KLHL4: variants seen among roughly 807,000 people sequenced by gnomAD.
The protein encoded by KLHL4 is kelch like family member 4, also known as kelch-like protein 4.
Under a neutral mutation model 45.8 loss-of-function variants are expected in KLHL4, and 17 were observed. That is an observed-to-expected ratio of 0.37 (90% CI 0.25 to 0.56). The LOEUF (loss-of-function observed/expected upper bound fraction) is 0.56, where lower values mean the gene tolerates loss of function less well. Among genes scored for constraint, KLHL4 ranks in the 20% least tolerant of loss-of-function variants. The pLI is 0.79. For missense variants in KLHL4, 544 were observed against 544.9 expected, an observed-to-expected ratio of 1.00 and a Z score of 0.02; for synonymous variants, 224 against 189.9, an observed-to-expected ratio of 1.18 and a Z score of -1.47.
In KLHL4 at chrX:87,669,187, A is replaced by T; in HGVS notation, c.*2653A>T. 9.2e-7 allele frequency: 1 copy of T among 1,083,327 alleles called. No homozygotes were observed. Among genetic ancestry groups the T allele is most frequent in the Non-Finnish European group, 1.2e-6 (1 of 829,262 alleles). The allele number at this position is 1,083,327 out of a possible 1,213,427, so 89.3% of individuals were successfully genotyped here. A position where few individuals can be genotyped will look rare whatever the true frequency, so the allele number is the denominator to read the frequency against. ...GTGTAAGGGCTCACACATTTACTGT[A>T]CTCAGATCTGAAAGACAATGTTGCT... On this transcript the variant is annotated 3_prime_UTR_variant, in exon 11 of 11. Transcript: ENST00000373119.
At chrX:87,533,757 A>T (rs919535714) in intron 1 of KLHL4, among the ~76,000 whole-genome samples, 1 of 111,260 alleles carries the variant, frequency 9.0e-6, no homozygotes, top group Admixed American at 9.7e-5. Context: ...CATAGCTTAG[A>T]TCTTAAAACC....
chrX:87,559,922 T>C (rs1029356933), intron 1 of KLHL4, among the ~76,000 whole-genome samples: 1 of 111,644 alleles, frequency 9.0e-6, no homozygotes, highest in Non-Finnish European at 1.9e-5. Context: ...ATTCTGTAAA[T>C]TATAAAAAAC....
At chrX:87,619,211 A>G (rs1922665553) in intron 4 of KLHL4, among the ~76,000 whole-genome samples, 1 of 112,170 alleles carries the variant, frequency 8.9e-6, no homozygotes. Context: ...AACAATAGAA[A>G]GGCACACATT....
chrX:87,651,438 C>A (rs1475648222), intron 9 of KLHL4, among the ~76,000 whole-genome samples: 1 of 112,410 alleles, frequency 8.9e-6, no homozygotes, highest in African/African-American at 3.2e-5. Flanking sequence ...CAAGGCAAGT[C>A]CCTTCTGCCT....
At chrX:87,540,280 T>G (rs1434181963) in intron 1 of KLHL4, among the ~76,000 whole-genome samples, 2 of 111,360 alleles carry the variant, frequency 1.8e-5, no homozygotes, top group Non-Finnish European at 3.8e-5. Flanking sequence ...AATATGTTTT[T>G]AATAATTACA....
rs1302949728 is a variant in KLHL4, at chrX:87,590,025, C to T, written c.423-23852C>T. Among the ~76,000 whole-genome samples, 23 of 92,720 alleles carry T rather than the reference C, an allele frequency of 2.5e-4. 1 individual carries two copies. In the East Asian group the frequency reaches 6.4e-3, roughly 26 times the overall value. 80.5% of individuals were successfully genotyped at this position (92,720 alleles called of 115,157 possible). On this transcript the variant is annotated intron_variant, in intron 1 of 10. Transcript: ENST00000373119. ...TGCACTCCAGCCTGAGCAACAAGAGCGAAACTCCTTCTAAAAAAAAAAAAA... is the reference window on the plus strand; with the variant it reads ...TGCACTCCAGCCTGAGCAACAAGAGTGAAACTCCTTCTAAAAAAAAAAAAA...
rs180961763 is a variant in KLHL4, at chrX:87,638,576, G to C, written c.1925+2801G>C. 3.7e-3 allele frequency among the ~76,000 whole-genome samples: 417 copies of C among 111,601 alleles called. 1 individual carries two copies. Among genetic ancestry groups the C allele is most frequent in the African/African-American group, 0.012 (377 of 30,720 alleles). On this transcript the variant is annotated intron_variant, in intron 9 of 10. Coordinates refer to ENST00000373119, the MANE Select transcript of KLHL4 (RefSeq NM_019117.5). ...AACAAAACAATTAGTCAAGAATTTT[G>C]TATCCAGTGAAACTAAGCTTCATAA...
Position 87,667,469 on chromosome X carries a change from A to G in KLHL4, c.*935A>G. The G allele has an allele frequency of 1.4e-6, 1 of 720,659 alleles. No individual in the cohort carries two copies. Among genetic ancestry groups the G allele is most frequent in the Non-Finnish European group, 1.6e-6 (1 of 608,684 alleles). The allele number at this position is 720,659 out of a possible 1,213,427, so 59.4% of individuals were successfully genotyped here. A position where few individuals can be genotyped will look rare whatever the true frequency, so the allele number is the denominator to read the frequency against. ...TGAGGATGTTACTCAGTGTTAACAC[A>G]TGGGAACACCAAAATATTCAATAAG... On this transcript the variant is annotated 3_prime_UTR_variant, in exon 11 of 11. Transcript: ENST00000373119.
Position 87,548,495 on chromosome X carries a change from T to C in KLHL4, c.422+30180T>C, listed in dbSNP as rs183759432. ...AGAATATTATAACACTGTAACTGTG[T>C]TGTGTAAACAACTTTTATTCTAAGT... On this transcript the variant is annotated intron_variant, in intron 1 of 10. Transcript: ENST00000373119. Among the ~76,000 whole-genome samples, 31 of 111,723 alleles carry C rather than the reference T, an allele frequency of 2.8e-4. No homozygotes were observed. In the East Asian group the frequency reaches 5.1e-3, roughly 18 times the overall value.
chrX:87,641,403 C>T (rs1010060231), intron 9 of KLHL4, among the ~76,000 whole-genome samples: 4 of 111,937 alleles, frequency 3.6e-5, no homozygotes, highest in Non-Finnish European at 7.5e-5. Context: ...TTGCTGGGTC[C>T]CCTAGCAGGC....
intron 1 of KLHL4, among the ~76,000 whole-genome samples, chrX:87,529,778 T>C (rs1931205849): frequency 8.9e-6 from 1 of 112,016 alleles, no homozygotes; most frequent in Non-Finnish European, 1.9e-5. Context: ...ATAAAGACCG[T>C]GTCAAATGTA....
intron 1 of KLHL4, among the ~76,000 whole-genome samples, chrX:87,532,117 G>A (rs1321615269): frequency 1.8e-5 from 2 of 109,910 alleles, no homozygotes; most frequent in Non-Finnish European, 3.8e-5. Context: ...TGTATAAGGT[G>A]TAAGGAAGGG....
intron 9 of KLHL4, among the ~76,000 whole-genome samples, chrX:87,650,841 T>C (rs986655750): frequency 3.6e-5 from 4 of 111,760 alleles, no homozygotes; most frequent in African/African-American, 1.3e-4. Context: ...ACAATCATCG[T>C]GGAAGCCAAA....
intron 1 of KLHL4, among the ~76,000 whole-genome samples, chrX:87,589,233 G>T (rs1192540022): frequency 8.9e-6 from 1 of 111,946 alleles, no homozygotes; most frequent in African/African-American, 3.2e-5. Flanking sequence ...CAACCACTAT[G>T]TAGAACAATT....
At position 87,668,967 on chromosome X, in the gene KLHL4, T is replaced by TA. The variant is rs1391913268; in HGVS notation, c.*2434dup. ...GATGAGCTGCCAAAATCTGAGCAGA[T>TA]ATGAGCCATCAGAATAGAGACCTGC... On this transcript the variant is annotated 3_prime_UTR_variant, in exon 11 of 11. Coordinates refer to ENST00000373119, the MANE Select transcript of KLHL4 (RefSeq NM_019117.5). 18 of 767,905 alleles carry TA rather than the reference T, an allele frequency of 2.3e-5. No homozygotes were observed. Among genetic ancestry groups the TA allele is most frequent in the Non-Finnish European group, 2.8e-5 (18 of 649,390 alleles). The allele number at this position is 767,905 out of a possible 1,213,427, so 63.3% of individuals were successfully genotyped here.
chrX:87,636,764 G>C lies in KLHL4; in HGVS notation c.1925+989G>C, dbSNP rs903251158. Among the ~76,000 whole-genome samples the C allele has an allele frequency of 2.7e-5, 3 of 109,847 alleles. No homozygotes were observed. In the East Asian group the frequency reaches 8.6e-4, roughly 32 times the overall value. On this transcript the variant is annotated intron_variant, in intron 9 of 10. Coordinates refer to ENST00000373119, the MANE Select transcript of KLHL4 (RefSeq NM_019117.5). ...GCAGAGCTAGCCATAATCCCCCTGG[G>C]AACATAACTCCATTGGCCTGAAAAC...
chrX:87,526,333 C>T (rs1054629962), intron 1 of KLHL4, among the ~76,000 whole-genome samples: 2 of 112,021 alleles, frequency 1.8e-5, no homozygotes, highest in African/African-American at 6.5e-5. Flanking sequence ...ATTGAGCCCT[C>T]ATTTATGTGC....
chrX:87,537,799 G>C (rs780167115), intron 1 of KLHL4, among the ~76,000 whole-genome samples: 28 of 110,876 alleles, frequency 2.5e-4, no homozygotes, highest in Non-Finnish European at 4.4e-4. Context: ...CCAAAAAAGA[G>C]GGATATTGGA....
intron 1 of KLHL4, among the ~76,000 whole-genome samples, chrX:87,575,118 A>G (rs776518207): frequency 1.8e-5 from 2 of 112,181 alleles, no homozygotes; most frequent in African/African-American, 3.2e-5. Flanking sequence ...AACAAAATCA[A>G]TGAATACAAT....
Sources: allele counts gnomAD v4.1 joint callset (sites outside exome capture counted in the v4.1 genomes callset), GRCh38; gene constraint gnomAD v4.1.1; transcripts MANE v1.5; gene names NCBI Gene and HGNC (gene_info 2026-07-23, HGNC 2026-07-21).